The following CDK14 variants were observed in gnomAD, a reference collection of about 807,000 sequenced individuals.
CDK14 encodes the protein cyclin dependent kinase 14.
CDK14 carries 34 observed loss-of-function variants against 60.7 expected under a neutral mutation model. The ratio of observed to expected loss-of-function variants is 0.56; its 90% CI spans 0.43 to 0.75. The LOEUF is 0.75. Ranked by LOEUF, CDK14 falls within the 30% of genes least tolerant of loss-of-function variation. The pLI is 0.00. For synonymous variants in CDK14, 197 were observed against 203.7 expected, an observed-to-expected ratio of 0.97 and a Z score of 0.28; for missense variants, 482 against 564.1, an observed-to-expected ratio of 0.85 and a Z score of 1.47.
At chr7:90,748,888 C>A (rs1035706415) in intron 4 of CDK14, among the ~76,000 whole-genome samples, 6 of 152,144 alleles carry the variant, frequency 3.9e-5, no homozygotes, top group African/African-American at 1.4e-4. Flanking sequence ...TGCACCCAGC[C>A]AGATTAGAAT....
At chr7:90,875,068 G>A (rs1791513483) in intron 6 of CDK14, among the ~76,000 whole-genome samples, 1 of 152,190 alleles carries the variant, frequency 6.6e-6, no homozygotes, top group South Asian at 2.1e-4. Context: ...TGTATGTCTC[G>A]ATAGATTTGC....
chr7:90,819,497 T>A (rs931643715), intron 5 of CDK14, among the ~76,000 whole-genome samples: 8 of 152,078 alleles, frequency 5.3e-5, no homozygotes, highest in African/African-American at 1.9e-4. Context: ...TTTTTTTTTT[T>A]TAAATTTCAT....
At position 90,917,581 on chromosome 7, in the gene CDK14, T is replaced by C. The variant is rs1320559744; in HGVS notation, c.703-20T>C. The C allele has an allele frequency of 6.2e-7, 1 of 1,609,520 alleles. No homozygotes were observed. The highest frequency in any genetic ancestry group is 1.1e-5 in the South Asian group (1 of 90,582). ...ATTTATCTGTGTTCTGATTTTAACC[T>C]TTGTCTCCTTATTTTTCAGTTGTTT... On this transcript the variant is annotated intron_variant, in intron 7 of 14. Coordinates refer to ENST00000380050, the MANE Select transcript of CDK14 (RefSeq NM_001287135.2).
At chr7:91,164,310 A>G (rs552939898) in intron 14 of CDK14, among the ~76,000 whole-genome samples, 22 of 152,338 alleles carry the variant, frequency 1.4e-4, no homozygotes, top group African/African-American at 4.8e-4. Context: ...ACAATAATTA[A>G]TATTTATATA....
intron 2 of CDK14, among the ~76,000 whole-genome samples, chr7:90,649,784 G>T (rs570478282): frequency 3.3e-5 from 5 of 151,948 alleles, no homozygotes; most frequent in Non-Finnish European, 5.9e-5. Context: ...TGCAAAGGAC[G>T]TGAACTCATC....
intron 11 of CDK14, among the ~76,000 whole-genome samples, chr7:91,061,722 G>C (rs997319959): frequency 6.6e-6 from 1 of 152,190 alleles, no homozygotes; most frequent in African/African-American, 2.4e-5. Flanking sequence ...GCGGATATTG[G>C]TGAATAGCAA....
At chr7:90,971,648 C>G (rs1389536771) in intron 9 of CDK14, among the ~76,000 whole-genome samples, 1 of 104,342 alleles carries the variant, frequency 9.6e-6, no homozygotes, top group African/African-American at 3.6e-5. Flanking sequence ...ACTGCATATA[C>G]ATAGTAAAAA....
At chr7:91,073,131 C>A (rs1198435038) in intron 11 of CDK14, among the ~76,000 whole-genome samples, 1 of 152,096 alleles carries the variant, frequency 6.6e-6, no homozygotes, top group East Asian at 1.9e-4. Context: ...CCCAACCTAG[C>A]AAGACAGGCC....
chr7:91,063,076 T>A (rs952681473), intron 11 of CDK14, among the ~76,000 whole-genome samples: 2 of 152,178 alleles, frequency 1.3e-5, no homozygotes, highest in Non-Finnish European at 2.9e-5. Context: ...CATCCACTCA[T>A]GAAAGTTGGA....
At chr7:90,748,208 A>G (rs967362909) in intron 4 of CDK14, among the ~76,000 whole-genome samples, 1 of 152,132 alleles carries the variant, frequency 6.6e-6, no homozygotes, top group Non-Finnish European at 1.5e-5. Context: ...CTCTTAGTTA[A>G]ACAAAATGGC....
intron 5 of CDK14, among the ~76,000 whole-genome samples, chr7:90,796,913 C>T (rs1405139767): frequency 6.6e-6 from 1 of 151,782 alleles, no homozygotes; most frequent in East Asian, 2.0e-4. Flanking sequence ...GAGTCAGTTA[C>T]AAGGCAAGGT....
intron 2 of CDK14, among the ~76,000 whole-genome samples, chr7:90,638,226 T>C (rs910330268): frequency 2.0e-5 from 3 of 152,194 alleles, no homozygotes; most frequent in Non-Finnish European, 4.4e-5. Context: ...TTCCTAGTCC[T>C]GATGGTCTTT....
intron 4 of CDK14, among the ~76,000 whole-genome samples, chr7:90,752,498 G>A (rs761908047): frequency 4.6e-5 from 7 of 151,914 alleles, no homozygotes; most frequent in Non-Finnish European, 1.0e-4. Context: ...CAAAATCCTT[G>A]GGATACAGGA....
chr7:90,800,713 T>C (rs1463485757), intron 5 of CDK14, among the ~76,000 whole-genome samples: 1 of 152,190 alleles, frequency 6.6e-6, no homozygotes, highest in Non-Finnish European at 1.5e-5. Flanking sequence ...GGTGTTGTAT[T>C]GCTTTTCTAG....
chr7:90,679,838 A>G (rs1801279613), intron 2 of CDK14, among the ~76,000 whole-genome samples: 3 of 152,154 alleles, frequency 2.0e-5, no homozygotes, highest in Non-Finnish European at 4.4e-5. Flanking sequence ...TTTAAAAATG[A>G]TCTTTTGCTA....
At chr7:90,605,939 A>G (rs1447397887) in intron 2 of CDK14, among the ~76,000 whole-genome samples, 1 of 152,206 alleles carries the variant, frequency 6.6e-6, no homozygotes, top group Non-Finnish European at 1.5e-5. Context: ...AAGGTTAAAG[A>G]TGTGTCAAAC....
At chr7:90,725,115 T>C (rs1584824695) in intron 2 of CDK14, among the ~76,000 whole-genome samples, 1 of 152,210 alleles carries the variant, frequency 6.6e-6, no homozygotes, top group East Asian at 1.9e-4. Context: ...TAAAAACTTT[T>C]TGTTTCAAAA....
chr7:90,783,613 A>G (rs1258796254), intron 4 of CDK14, among the ~76,000 whole-genome samples: 1 of 152,184 alleles, frequency 6.6e-6, no homozygotes, highest in African/African-American at 2.4e-5. Context: ...AAAAATGGGC[A>G]AAACATTTGA....
intron 10 of CDK14, among the ~76,000 whole-genome samples, chr7:90,985,106 C>T (rs752537068): frequency 6.2e-4 from 94 of 152,106 alleles, no homozygotes; most frequent in Non-Finnish European, 1.2e-3. Flanking sequence ...AGAAACTGGG[C>T]GAGTGGTATA....
Sources: gnomAD v4.1 joint callset for allele counts (sites outside exome capture counted in the v4.1 genomes callset) on GRCh38, gnomAD v4.1.1 for gene constraint, MANE v1.5 for transcripts, NCBI Gene and HGNC (gene_info 2026-07-23, HGNC 2026-07-21) for gene names.